The following ZBTB8OS variants were observed in gnomAD, a reference collection of about 807,000 sequenced individuals.
The protein encoded by ZBTB8OS is tRNA-splicing ligase-activating factor archease.
In ZBTB8OS, 16 loss-of-function variants were observed where a neutral mutation model predicts 29.3. That is an observed-to-expected ratio of 0.55 (90% CI 0.37 to 0.83). The LOEUF (loss-of-function observed/expected upper bound fraction) is 0.83. Ranked by LOEUF, ZBTB8OS falls within the 40% of genes least tolerant of loss-of-function variation. The pLI is 0.00. For synonymous variants in ZBTB8OS, 70 were observed against 64.6 expected, an observed-to-expected ratio of 1.08 and a Z score of -0.40; for missense variants, 160 against 196.9, an observed-to-expected ratio of 0.81 and a Z score of 1.12.
At chr1:32,640,587 TCAC>T (rs1232983084) in intron 1 of ZBTB8OS, among the ~76,000 whole-genome samples, 1 of 152,122 alleles carries the variant, frequency 6.6e-6, no homozygotes, top group Non-Finnish European at 1.5e-5. Context: ...CAATCACAGC[TCAC>T]TACAGCTTAG....
upstream of ZBTB8OS, chr1:32,650,895 A>G (rs1184795573): frequency 8.4e-6 from 4 of 473,754 alleles, no homozygotes; most frequent in Non-Finnish European, 1.1e-5. Context: ...CAGTACTCTG[A>G]AAGGGTCGTA....
At chr1:32,642,020 G>A (rs1039071838) in intron 1 of ZBTB8OS, among the ~76,000 whole-genome samples, 1 of 151,626 alleles carries the variant, frequency 6.6e-6, no homozygotes, top group Non-Finnish European at 1.5e-5. Flanking sequence ...TTTTTATCTT[G>A]CCCAAATTCC....
At chr1:32,650,782 C>A, upstream of ZBTB8OS, 2 of 600,590 alleles carry the variant, frequency 3.3e-6, no homozygotes, top group Non-Finnish European at 5.6e-6. Flanking sequence ...CGTTGAAGGG[C>A]ACCTTGAATG....
At chr1:32,648,400 T>C (rs754455223) in intron 1 of ZBTB8OS, among the ~76,000 whole-genome samples, 2 of 152,218 alleles carry the variant, frequency 1.3e-5, no homozygotes, top group Non-Finnish European at 2.9e-5. Flanking sequence ...CACTTGCACA[T>C]GTACAAAACA....
intron 1 of ZBTB8OS, among the ~76,000 whole-genome samples, chr1:32,649,821 C>A (rs1480272828): frequency 6.6e-6 from 1 of 152,068 alleles, no homozygotes; most frequent in East Asian, 1.9e-4. Context: ...TGCTCCACCA[C>A]GCCCAGCTAA....
rs751092606 is a variant in ZBTB8OS, at chr1:32,650,413, GAAGT to G, written c.97+16_97+19del. ...GCCTGTGTGCTTACATGTAAAGAGAGAAGTAAGCCACCTACTCACACTCGTACTT... is the reference window on the plus strand; with the variant it reads ...GCCTGTGTGCTTACATGTAAAGAGAGAAGCCACCTACTCACACTCGTACTT... On this transcript the variant is annotated intron_variant, in intron 1 of 6. Transcript: ENST00000468695. The G allele has an allele frequency of 2.5e-6, 4 of 1,614,038 alleles. No homozygotes were observed. The highest frequency in any genetic ancestry group is 1.7e-5 in the Admixed American group (1 of 60,008).
At chr1:32,621,983 G>T in intron 6 of ZBTB8OS, 35 bp from the exon 7 acceptor site, 1 of 1,013,452 alleles carries the variant, frequency 9.9e-7, no homozygotes. Flanking sequence ...AAAAAAAAAA[G>T]GAAAATAGGA....
At chr1:32,621,982 A>T in intron 6 of ZBTB8OS, 34 bp from the exon 7 acceptor site, 1 of 1,301,496 alleles carries the variant, frequency 7.7e-7, no homozygotes. Flanking sequence ...AAAAAAAAAA[A>T]GGAAAATAGG....
At chr1:32,621,996 T>C (rs770392184) in intron 6 of ZBTB8OS, 48 bp from the exon 7 acceptor site, 1 of 1,318,466 alleles carries the variant, frequency 7.6e-7, no homozygotes, top group East Asian at 2.4e-5. Context: ...AAATAGGATA[T>C]TGAAATCATA....
At chr1:32,627,436 TGATTG>T in intron 6 of ZBTB8OS, 67 bp downstream of exon 6, 1 of 1,366,348 alleles carries the variant, frequency 7.3e-7, no homozygotes, top group Non-Finnish European at 1.0e-6. Flanking sequence ...TAACTGAAGT[TGATTG>T]TCACATATAT....
intron 4 of ZBTB8OS, chr1:32,632,119 A>C (rs1304513688): frequency 1.8e-5 from 4 of 222,076 alleles, no homozygotes; most frequent in Non-Finnish European, 3.4e-5. Flanking sequence ...CTCCTGTCTC[A>C]ACCTGCTGAG....
chr1:32,623,301 C>T (rs1401362294), intron 6 of ZBTB8OS, among the ~76,000 whole-genome samples: 3 of 152,162 alleles, frequency 2.0e-5, no homozygotes, highest in Admixed American at 6.6e-5. Flanking sequence ...CTGGTATCAC[C>T]CTGAGTGTAT....
chr1:32,622,649 A>C (rs1201818808), intron 6 of ZBTB8OS, among the ~76,000 whole-genome samples: 1 of 152,022 alleles, frequency 6.6e-6, no homozygotes, highest in Non-Finnish European at 1.5e-5. Context: ...TTATCTGTAC[A>C]CTAAACCCCC....
intron 1 of ZBTB8OS, among the ~76,000 whole-genome samples, chr1:32,648,274 A>G (rs375980686): frequency 7.9e-5 from 12 of 152,242 alleles, no homozygotes; most frequent in East Asian, 3.8e-4. Flanking sequence ...AAATTGGTAC[A>G]ACTCCTATAG....
chr1:32,625,612 C>A (rs1645070746), intron 6 of ZBTB8OS, among the ~76,000 whole-genome samples: 1 of 152,116 alleles, frequency 6.6e-6, no homozygotes, highest in African/African-American at 2.4e-5. Context: ...TGGTGTGCAC[C>A]TGTAAGCTCA....
chr1:32,638,371 T>A (rs1012762038), intron 1 of ZBTB8OS, among the ~76,000 whole-genome samples: 1 of 151,848 alleles, frequency 6.6e-6, no homozygotes, highest in African/African-American at 2.4e-5. Flanking sequence ...TTTTGTATTT[T>A]TAGTAGAGAC....
intron 1 of ZBTB8OS, among the ~76,000 whole-genome samples, chr1:32,642,008 T>C (rs1347782903): frequency 6.6e-6 from 1 of 152,212 alleles, no homozygotes; most frequent in South Asian, 2.1e-4. Flanking sequence ...AACTCTGATT[T>C]TTTTTTATCT....
At chr1:32,648,414 G>T (rs1385166816) in intron 1 of ZBTB8OS, among the ~76,000 whole-genome samples, 1 of 152,180 alleles carries the variant, frequency 6.6e-6, no homozygotes, top group African/African-American at 2.4e-5. Context: ...CAAAACAGTG[G>T]ATGTACAAGT....
chr1:32,636,945 T>A (rs892614150), intron 1 of ZBTB8OS, among the ~76,000 whole-genome samples: 1 of 152,118 alleles, frequency 6.6e-6, no homozygotes, highest in African/African-American at 2.4e-5. Context: ...AGCCATTCCA[T>A]TGAAATGTAA....
Sources: gnomAD v4.1 joint callset for allele counts (sites outside exome capture counted in the v4.1 genomes callset) on GRCh38, gnomAD v4.1.1 for gene constraint, MANE v1.5 for transcripts, NCBI Gene and HGNC (gene_info 2026-07-23, HGNC 2026-07-21) for gene names.